SPTA1: variants seen among roughly 807,000 people sequenced by gnomAD.
SPTA1 encodes spectrin alpha, erythrocytic 1, also known as spectrin alpha chain, erythrocytic 1.
Under a neutral mutation model 324.7 loss-of-function variants are expected in SPTA1, and 177 were observed. That is an observed-to-expected ratio of 0.55 (90% confidence interval 0.48 to 0.62). The LOEUF (loss-of-function observed/expected upper bound fraction) is 0.62, where lower values mean the gene tolerates loss of function less well. Among genes scored for constraint, SPTA1 ranks in the 20% least tolerant of loss-of-function variants. SPTA1 has a pLI of 0.00. For missense variants in SPTA1, 3,162 were observed against 2,883.6 expected (o/e 1.10, Z -2.21); for synonymous variants, 1,195 against 1,041.3 (o/e 1.15, Z -2.84).
At chr1:158,630,086 C>T (rs1423403636) in intron 39 of SPTA1, among the ~76,000 whole-genome samples, 1 of 151,794 alleles carries the variant, frequency 6.6e-6, no homozygotes, top group Non-Finnish European at 1.5e-5. Context: ...AAGTGATGTA[C>T]AAGGTCAATG....
At chr1:158,649,489 G>A (rs1453108013) in intron 25 of SPTA1, among the ~76,000 whole-genome samples, 1 of 152,030 alleles carries the variant, frequency 6.6e-6, no homozygotes, top group Non-Finnish European at 1.5e-5. Flanking sequence ...GTCTTGCTTT[G>A]TTGCCCAGGT....
In SPTA1 at chr1:158,685,012, C is replaced by T. The variant is rs1357575876; in HGVS notation, c.264+96G>A. ...GTTTCTAAACGGAATCTAATTGTACCCACACATACCCATTAACATTAACAT... is the reference window on the plus strand; with the variant it reads ...GTTTCTAAACGGAATCTAATTGTACTCACACATACCCATTAACATTAACAT... On this transcript the variant is annotated intron_variant, in intron 2 of 51. Transcript: ENST00000643759. 4 of 1,422,556 alleles carry T rather than the reference C, an allele frequency of 2.8e-6. No homozygotes were observed. In the Admixed American group the frequency reaches 6.8e-5, roughly 24 times the overall value. 88.1% of individuals were successfully genotyped at this position (1,422,556 alleles called of 1,614,324 possible). A position where few individuals can be genotyped will look rare whatever the true frequency, so the allele number is the denominator to read the frequency against.
Position 158,634,760 on chromosome 1 carries a change from G to A in SPTA1, c.5433-85C>T, listed in dbSNP as rs1650940083. On this transcript the variant is annotated intron_variant, in intron 38 of 51. Coordinates refer to ENST00000643759, the MANE Select transcript of SPTA1 (RefSeq NM_003126.4). ...CAGTGGGGTGGCACAATCTCATTCA[G>A]GCAGACCAGCTTATTCTCACAAGGC... 9 of 1,522,334 alleles carry A rather than the reference G, an allele frequency of 5.9e-6. No homozygotes were observed. In the Admixed American group the frequency reaches 1.6e-4, roughly 26 times the overall value. 94.3% of individuals were successfully genotyped at this position (1,522,334 alleles called of 1,614,324 possible).
chr1:158,683,236 C>T (rs1654930629), intron 3 of SPTA1, 135 bp downstream of exon 3: 3 of 1,281,410 alleles, frequency 2.3e-6, no homozygotes, highest in East Asian at 2.4e-5. Flanking sequence ...TTTTATGCCT[C>T]AACCCCAGGG....
In SPTA1 at chr1:158,659,765, C is replaced by T. The variant is rs560304358; in HGVS notation, c.2587+1522G>A. On this transcript the variant is annotated intron_variant, in intron 18 of 51. Coordinates refer to ENST00000643759, the MANE Select transcript of SPTA1 (RefSeq NM_003126.4). Reference sequence around the variant, plus strand: ...AGCTGGGACTACAGGCGCCCGCCACCGCGCCCGGCTAATTTTTTGTATTTT... The same window carrying T: ...AGCTGGGACTACAGGCGCCCGCCACTGCGCCCGGCTAATTTTTTGTATTTT... Among the ~76,000 whole-genome samples the T allele has an allele frequency of 6.2e-5, 6 of 96,758 alleles. 1 individual carries two copies. In the East Asian group the frequency reaches 9.1e-4, roughly 15 times the overall value. 63.5% of individuals were successfully genotyped at this position (96,758 alleles called of 152,430 possible).
chr1:158,649,858 G>C lies in SPTA1; in HGVS notation c.3567C>G (p.His1189Gln), dbSNP rs372008857. ...LGSAHAVEVFHREADDTKEQI... is the reference protein window; with the variant it reads ...LGSAHAVEVFQREADDTKEQI... ...CTTTTTAGAGTTATAATTATTACCT[G>C]TGAAACACTTCAACAGCATGGGCAC... The change falls in exon 25 of 52, where the codon CAC becomes CAG. Residue 1189 changes from histidine (H) to glutamine (Q), a missense_variant and splice_region_variant. Physicochemically the swap from His to Gln is conservative, Grantham distance 24. Coordinates refer to ENST00000643759, the MANE Select transcript of SPTA1 (RefSeq NM_003126.4). The C allele has an allele frequency of 1.9e-6, 3 of 1,612,768 alleles. No individual in the cohort carries two copies. The highest frequency in any genetic ancestry group is 1.6e-4 in the Middle Eastern group (1 of 6,080).
intron 5 of SPTA1, among the ~76,000 whole-genome samples, chr1:158,679,103 T>C (rs1223782853): frequency 1.3e-5 from 2 of 152,122 alleles, no homozygotes; most frequent in Non-Finnish European, 2.9e-5. Flanking sequence ...CATCAGTCTA[T>C]TTTCATACTT....
At position 158,669,704 on chromosome 1, in the gene SPTA1, C is replaced by A; in HGVS notation, c.1677+5G>T. 6.2e-7 allele frequency: 1 copy of A among 1,614,132 alleles called. No individual in the cohort carries two copies. The highest frequency in any genetic ancestry group is 8.5e-7 in the Non-Finnish European group (1 of 1,179,990). ...CACACAGAAGCTCTAGGCCCTTGGACATACCCCGTCACGGATAGCCTTGAT... is the reference window on the plus strand; with the variant it reads ...CACACAGAAGCTCTAGGCCCTTGGAAATACCCCGTCACGGATAGCCTTGAT... On this transcript the variant is annotated splice_donor_5th_base_variant and intron_variant, in intron 13 of 51. Coordinates refer to ENST00000643759, the MANE Select transcript of SPTA1 (RefSeq NM_003126.4).
At chr1:158,631,609 T>TA (rs1650681922) in intron 39 of SPTA1, among the ~76,000 whole-genome samples, 1 of 151,996 alleles carries the variant, frequency 6.6e-6, no homozygotes. Flanking sequence ...TTGAAATAAA[T>TA]AAATTTAAAA....
intron 39 of SPTA1, among the ~76,000 whole-genome samples, chr1:158,629,161 T>G (rs979258554): frequency 6.7e-6 from 1 of 148,910 alleles, no homozygotes; most frequent in African/African-American, 2.5e-5. Flanking sequence ...TAGATAGATA[T>G]GTCTATCAAG....
intron 15 of SPTA1, among the ~76,000 whole-genome samples, 190 bp from the exon 16 acceptor site, chr1:158,666,687 T>C (rs1206822087): frequency 6.6e-6 from 1 of 152,200 alleles, no homozygotes; most frequent in Admixed American, 6.5e-5. Flanking sequence ...TGTTTCTGAA[T>C]ATAGTAATGT....
Position 158,672,212 on chromosome 1 carries a change from G to C in SPTA1, c.1351-16C>G, listed in dbSNP as rs761819626. On this transcript the variant is annotated splice_polypyrimidine_tract_variant and intron_variant, in intron 10 of 51. Coordinates refer to ENST00000643759, the MANE Select transcript of SPTA1 (RefSeq NM_003126.4). ...GTATTTCCATCTTTGGAAAGAAGGA[G>C]ATAATGTATATGGAAGATAATTAAT... is the stretch of plus-strand genomic sequence containing the variant. 12 of 1,610,888 alleles carry C rather than the reference G, an allele frequency of 7.4e-6. No individual in the cohort carries two copies. The highest frequency in any genetic ancestry group is 1.7e-5 in the Admixed American group (1 of 59,834).
intron 28 of SPTA1, 29 bp downstream of exon 28, chr1:158,645,466 A>C: frequency 6.2e-7 from 1 of 1,613,948 alleles, no homozygotes; most frequent in Non-Finnish European, 8.5e-7. Flanking sequence ...AGGTCAAGTG[A>C]TCAGTGGCTG....
intron 33 of SPTA1, among the ~76,000 whole-genome samples, chr1:158,641,854 T>A (rs1357220967): frequency 1.3e-5 from 2 of 152,178 alleles, no homozygotes; most frequent in Admixed American, 1.3e-4. Flanking sequence ...TAAAGACACA[T>A]GCACACATAT....
At chr1:158,621,468 G>A (rs555254241) in intron 43 of SPTA1, among the ~76,000 whole-genome samples, 1 of 152,210 alleles carries the variant, frequency 6.6e-6, no homozygotes, top group East Asian at 1.9e-4. Flanking sequence ...CCTCTACACA[G>A]AAAGGACACA....
chr1:158,638,136 G>A lies in SPTA1; in HGVS notation c.5086C>T (p.Leu1696=). 1 of 1,614,036 alleles carries A rather than the reference G, an allele frequency of 6.2e-7. No homozygotes were observed. Among genetic ancestry groups the A allele is most frequent in the Non-Finnish European group, 8.5e-7 (1 of 1,179,984 alleles). Reference sequence around the variant, plus strand: ...GCAGCTGCCAATTCTTGGACATTCAGGAAACGCTTGTTGACATTATCTTTT... The same window carrying A: ...GCAGCTGCCAATTCTTGGACATTCAAGAAACGCTTGTTGACATTATCTTTT... The part of the protein sequence containing the change: ...KKKDNVNKRF[L]NVQELAAAHH... Residue 1696 remains leucine (L), a synonymous_variant, in exon 36 of 52, where the codon CTG becomes TTG. Coordinates refer to ENST00000643759, the MANE Select transcript of SPTA1 (RefSeq NM_003126.4).
intron 15 of SPTA1, among the ~76,000 whole-genome samples, chr1:158,666,780 T>C (rs1653633718): frequency 6.6e-6 from 1 of 152,184 alleles, no homozygotes; most frequent in South Asian, 2.1e-4. Context: ...TCTTGGGTGT[T>C]TCCTTATGTG....
chr1:158,642,330 T>A (rs1171056033), intron 33 of SPTA1, 81 bp downstream of exon 33: 11 of 1,422,958 alleles, frequency 7.7e-6, no homozygotes, highest in Non-Finnish European at 7.5e-6. Context: ...TTAAAAAAAA[T>A]ACAATAAATT....
intron 18 of SPTA1, among the ~76,000 whole-genome samples, chr1:158,658,776 G>A (rs761287562): frequency 3.3e-5 from 5 of 152,078 alleles, no homozygotes; most frequent in African/African-American, 4.8e-5. Context: ...TACATACAGA[G>A]GAGCAAAGAT....
Sources: gnomAD v4.1 joint callset for allele counts (sites outside exome capture counted in the v4.1 genomes callset) on GRCh38, gnomAD v4.1.1 for gene constraint, MANE v1.5 for transcripts, NCBI Gene and HGNC (gene_info 2026-07-23, HGNC 2026-07-21) for gene names.